MAST2: variants seen among roughly 807,000 people sequenced by gnomAD.
MAST2 encodes the protein microtubule-associated serine/threonine-protein kinase 2.
Under a neutral mutation model 147.4 loss-of-function variants are expected in MAST2, and 70 were observed. The observed-to-expected ratio is 0.47, with a 90% CI of 0.39 to 0.58. The LOEUF is 0.58. MAST2 is among the 20% of genes least tolerant of loss of function. The pLI is 0.00. For missense variants in MAST2, 2,080 were observed against 2,302.3 expected (o/e 0.90, Z 1.98); for synonymous variants, 869 against 896.8 (o/e 0.97, Z 0.55).
intron 4 of MAST2, among the ~76,000 whole-genome samples, chr1:45,946,307 G>A (rs1228283090): frequency 1.3e-5 from 2 of 152,082 alleles, no homozygotes; most frequent in Admixed American, 1.3e-4. Context: ...ACTAAGGTGT[G>A]GTGGAAAATC....
chr1:45,831,637 G>C (rs527396534), intron 3 of MAST2, among the ~76,000 whole-genome samples: 1 of 151,980 alleles, frequency 6.6e-6, no homozygotes, highest in Admixed American at 6.6e-5. Context: ...TTTTTTCTGT[G>C]TGTATATATG....
intron 3 of MAST2, among the ~76,000 whole-genome samples, chr1:45,877,055 T>A (rs1340191735): frequency 6.6e-6 from 1 of 152,238 alleles, no homozygotes; most frequent in Non-Finnish European, 1.5e-5. Flanking sequence ...TGTCTTCGTC[T>A]GTTCGTGCTG....
rs143776805 is a variant in MAST2, at chr1:45,858,880, C to T, written c.469-23484C>T. On this transcript the variant is annotated intron_variant, in intron 3 of 28. Coordinates refer to ENST00000361297, the MANE Select transcript of MAST2 (RefSeq NM_015112.3). ...ATTTATTAAATAGGGAATCCTTTCCCCATTGTTTTTGTCATGTTTGTCAAA... is the reference window on the plus strand; with the variant it reads ...ATTTATTAAATAGGGAATCCTTTCCTCATTGTTTTTGTCATGTTTGTCAAA... Among the ~76,000 whole-genome samples, 107 of 152,064 alleles carry T rather than the reference C, an allele frequency of 7.0e-4. 1 individual carries two copies. Among genetic ancestry groups the T allele is most frequent in the Admixed American group, 2.0e-4 (3 of 15,252 alleles).
intron 5 of MAST2, among the ~76,000 whole-genome samples, chr1:45,974,881 G>T (rs1644070998): frequency 6.6e-6 from 1 of 152,224 alleles, no homozygotes; most frequent in South Asian, 2.1e-4. Flanking sequence ...ATGATAAAAA[G>T]AATGTGAGTG....
intron 3 of MAST2, among the ~76,000 whole-genome samples, chr1:45,850,569 G>C (rs964495140): frequency 6.6e-6 from 1 of 151,986 alleles, no homozygotes; most frequent in Non-Finnish European, 1.5e-5. Context: ...TTTTCCCTAG[G>C]ATTCTTACAG....
chr1:45,841,189 A>G (rs1055622268), intron 3 of MAST2, among the ~76,000 whole-genome samples: 14 of 152,028 alleles, frequency 9.2e-5, no homozygotes, highest in Non-Finnish European at 1.9e-4. Flanking sequence ...TCTGGGCTCA[A>G]CCAATCCTCC....
At chr1:46,004,205 A>G (rs1291147536) in intron 7 of MAST2, among the ~76,000 whole-genome samples, 1 of 151,974 alleles carries the variant, frequency 6.6e-6, no homozygotes, top group African/African-American at 2.4e-5. Flanking sequence ...TCCACTAAAA[A>G]TACAAAAAAT....
intron 21 of MAST2, 74 bp downstream of exon 21, chr1:46,030,312 C>G: frequency 6.9e-7 from 1 of 1,443,296 alleles, no homozygotes; most frequent in African/African-American, 1.4e-5. Flanking sequence ...AAAGGGCACA[C>G]CTGGGGCAGG....
intron 3 of MAST2, among the ~76,000 whole-genome samples, chr1:45,860,328 G>A (rs537644203): frequency 6.7e-6 from 1 of 149,472 alleles, no homozygotes; most frequent in Non-Finnish European, 1.5e-5. Context: ...AGGTTGGAGT[G>A]AGCCAAGATC....
chr1:45,917,511 T>TAG (rs769364959), intron 4 of MAST2: 8 of 1,366,578 alleles, frequency 5.9e-6, no homozygotes, highest in Non-Finnish European at 7.8e-6. Context: ...CACTCCTTGT[T>TAG]CCAGCCGCCC....
chr1:45,908,112 T>C (rs975534854), intron 4 of MAST2, among the ~76,000 whole-genome samples: 1 of 152,092 alleles, frequency 6.6e-6, no homozygotes. Context: ...CAATTTTTGG[T>C]TTTGTTAATT....
intron 6 of MAST2, among the ~76,000 whole-genome samples, chr1:45,998,925 G>C (rs1447953857): frequency 6.6e-6 from 1 of 152,044 alleles, no homozygotes; most frequent in Non-Finnish European, 1.5e-5. Context: ...ATAGAGACGG[G>C]GTTCCACCGT....
At chr1:45,874,957 G>C (rs577114381) in intron 3 of MAST2, among the ~76,000 whole-genome samples, 2 of 152,256 alleles carry the variant, frequency 1.3e-5, no homozygotes, top group African/African-American at 4.8e-5. Flanking sequence ...CAGACCAGGA[G>C]AACAGTAAGT....
chr1:46,028,816 G>C lies in MAST2; in HGVS notation c.2101G>C (p.Gly701Arg), dbSNP rs564129687. The change falls in exon 18 of 29, where the codon GGC (glycine) becomes CGC (arginine). Residue 701 changes from glycine to arginine, a missense_variant. Gly to Arg is a moderately radical substitution (Grantham distance 125). This residue lies in a region of MAST2 where 209 missense variants were observed against 309.5 expected (regional missense o/e 0.68). Coordinates refer to ENST00000361297, the MANE Select transcript of MAST2 (RefSeq NM_015112.3). ...TGCGCCTGAGGTGATCCTGCGCCAG[G>C]GCTATGGGAAGCCAGTGGACTGGTG... ...YIAPEVILRQ[G>R]YGKPVDWWAM... 6.2e-7 allele frequency: 1 copy of C among 1,614,174 alleles called. No homozygotes were observed. The highest frequency in any genetic ancestry group is 1.3e-5 in the African/African-American group (1 of 75,050).
At chr1:45,853,862 A>G (rs1645703290) in intron 3 of MAST2, among the ~76,000 whole-genome samples, 1 of 152,030 alleles carries the variant, frequency 6.6e-6, no homozygotes, top group African/African-American at 2.4e-5. Flanking sequence ...TTAAAAATTT[A>G]CAGTTTTATT....
chr1:46,011,149 G>C (rs1645698502), intron 10 of MAST2: 2 of 582,004 alleles, frequency 3.4e-6, no homozygotes, highest in African/African-American at 1.9e-5. Context: ...AGTCACTTCT[G>C]TTCCTTTTCT....
chr1:46,017,677 GGAGAGGA>G (rs1646013766), intron 10 of MAST2, among the ~76,000 whole-genome samples: 2 of 152,004 alleles, frequency 1.3e-5, no homozygotes, highest in Admixed American at 1.3e-4. Context: ...AACAGGTGCT[GGAGAGGA>G]TGTGGAGAAA....
At chr1:45,851,670 A>G (rs1180073732) in intron 3 of MAST2, among the ~76,000 whole-genome samples, 1 of 152,152 alleles carries the variant, frequency 6.6e-6, no homozygotes, top group Admixed American at 6.5e-5. Context: ...GGTTTTTATC[A>G]TGAAGGGATG....
intron 3 of MAST2, among the ~76,000 whole-genome samples, chr1:45,864,026 G>A (rs189515020): frequency 1.3e-5 from 2 of 152,274 alleles, no homozygotes; most frequent in Non-Finnish European, 1.5e-5. Context: ...TGCTTATGGA[G>A]TGTGTAAGGA....
Sources: gnomAD v4.1 joint callset for allele counts (sites outside exome capture counted in the v4.1 genomes callset) on GRCh38, gnomAD v4.1.1 for gene constraint, gnomAD v4.1.1 regional missense constraint, MANE v1.5 for transcripts, NCBI Gene and HGNC (gene_info 2026-07-23, HGNC 2026-07-21) for gene names.